The following GPATCH1 variants were observed in gnomAD, a reference collection of about 807,000 sequenced individuals.
GPATCH1 encodes the protein G-patch domain containing 1.
GPATCH1 carries 73 observed loss-of-function variants against 114.9 expected under a neutral mutation model. The observed-to-expected ratio is 0.64, with a 90% CI of 0.53 to 0.77. The LOEUF is 0.77. Among genes scored for constraint, GPATCH1 ranks in the 30% least tolerant of loss-of-function variants. The pLI, the probability that GPATCH1 is intolerant of heterozygous loss-of-function variation, is 0.00. For synonymous variants in GPATCH1, 391 were observed against 428.4 expected (o/e 0.91, Z 1.08); for missense variants, 1,058 against 1,144.3 (o/e 0.92, Z 1.09).
At chr19:33,093,609 G>A (rs1972622206) in intron 4 of GPATCH1, 90 bp downstream of exon 4, 3 of 1,214,578 alleles carry the variant, frequency 2.5e-6, no homozygotes, top group Non-Finnish European at 3.5e-6. Context: ...GATTGCAAGT[G>A]AGACAAGCCT....
chr19:33,129,100 A>C (rs1000386355), intron 19 of GPATCH1, among the ~76,000 whole-genome samples: 4 of 152,116 alleles, frequency 2.6e-5, no homozygotes, highest in Non-Finnish European at 4.4e-5. Flanking sequence ...TAAAAAAACT[A>C]GCCAGGCGTG....
chr19:33,130,435 C>A lies in GPATCH1; in HGVS notation c.*275C>A. 2.9e-6 allele frequency: 1 copy of A among 342,418 alleles called. No homozygotes were observed. The highest frequency in any genetic ancestry group is 5.2e-6 in the Non-Finnish European group (1 of 192,552). The allele number at this position is 342,418 out of a possible 1,614,324, so 21.2% of individuals were successfully genotyped here. On this transcript the variant is annotated 3_prime_UTR_variant, in exon 20 of 20. Transcript: ENST00000170564. ...TTCTTCTTGATTTTTAAAAAATTTCCTGGGACGTTAAAAAAGAAGTTAAAA... is the reference window on the plus strand; with the variant it reads ...TTCTTCTTGATTTTTAAAAAATTTCATGGGACGTTAAAAAAGAAGTTAAAA...
intron 9 of GPATCH1, among the ~76,000 whole-genome samples, chr19:33,104,223 C>CT (rs1203356535): frequency 6.7e-6 from 1 of 150,072 alleles, no homozygotes; most frequent in Non-Finnish European, 1.5e-5. Context: ...GCCTGTAGTC[C>CT]TAGCCTCTTG....
intron 13 of GPATCH1, 94 bp downstream of exon 13, chr19:33,112,707 C>G (rs1972871413): frequency 1.1e-6 from 1 of 925,534 alleles, no homozygotes; most frequent in African/African-American, 1.7e-5. Context: ...CTTATTTTTT[C>G]TACATGAACT....
intron 7 of GPATCH1, among the ~76,000 whole-genome samples, chr19:33,096,709 A>C (rs993167946): frequency 6.6e-6 from 1 of 151,638 alleles, no homozygotes; most frequent in Non-Finnish European, 1.5e-5. Flanking sequence ...GCTTACTGCA[A>C]CCTCTGTCTC....
chr19:33,088,938 T>A (rs1972564590), intron 2 of GPATCH1, among the ~76,000 whole-genome samples: 1 of 152,192 alleles, frequency 6.6e-6, no homozygotes, highest in Non-Finnish European at 1.5e-5. Flanking sequence ...ATTACAGGTG[T>A]GAGCCACTGC....
At chr19:33,124,480 T>G (rs1277473160) in intron 17 of GPATCH1, among the ~76,000 whole-genome samples, 1 of 152,146 alleles carries the variant, frequency 6.6e-6, no homozygotes, top group Admixed American at 6.5e-5. Flanking sequence ...CAGCCCATTA[T>G]GTTGTTTTGA....
intron 10 of GPATCH1, among the ~76,000 whole-genome samples, chr19:33,107,258 T>A (rs1366184468): frequency 1.3e-5 from 2 of 152,108 alleles, no homozygotes; most frequent in African/African-American, 2.4e-5. Context: ...GCACATTTTT[T>A]AAATAGAGAT....
intron 19 of GPATCH1, 103 bp downstream of exon 19, chr19:33,126,836 G>A: frequency 2.0e-6 from 2 of 1,012,880 alleles, no homozygotes; most frequent in East Asian, 2.4e-5. Context: ...AAACTGGTAG[G>A]CCGGGTGCAG....
rs375992337 is a variant in GPATCH1 at position 33,113,855 on chromosome 19, A to G, written c.1981A>G (p.Thr661Ala). 1.4e-5 allele frequency: 23 copies of G among 1,613,940 alleles called. No homozygotes were observed. The highest frequency in any genetic ancestry group is 6.7e-5 in the Admixed American group (4 of 60,000). Residue 661 changes from threonine to alanine, a missense_variant, in exon 14 of 20, where the codon ACC becomes GCC. By Grantham distance (58) the Thr-to-Ala change is moderately conservative (BLOSUM62 0). Coordinates refer to ENST00000170564, the MANE Select transcript of GPATCH1 (RefSeq NM_018025.3). ...LTLPETASLPTTQASSEKVSQ... is the reference protein window; with the variant it reads ...LTLPETASLPATQASSEKVSQ... Reference sequence around the variant, plus strand: ...GCTCCCAGAGACAGCTTCCTTGCCCACCACTCAAGCATCAAGTGAAAAAGT... The same window carrying G: ...GCTCCCAGAGACAGCTTCCTTGCCCGCCACTCAAGCATCAAGTGAAAAAGT...
At chr19:33,129,949 G>GGAA (rs1555722346) in intron 19 of GPATCH1, among the ~76,000 whole-genome samples, 181 bp from the exon 20 acceptor site, 5 of 139,832 alleles carry the variant, frequency 3.6e-5, no homozygotes, top group East Asian at 2.1e-4. Context: ...CATCTCGGGG[G>GGAA]AAAAAAAAAA....
intron 2 of GPATCH1, among the ~76,000 whole-genome samples, chr19:33,090,142 C>A (rs1972578118): frequency 6.6e-6 from 1 of 152,174 alleles, no homozygotes; most frequent in African/African-American, 2.4e-5. Flanking sequence ...AGAGCATTCC[C>A]TGTTTGTGGA....
At chr19:33,103,833 C>T (rs1174765968) in intron 9 of GPATCH1, among the ~76,000 whole-genome samples, 1 of 152,142 alleles carries the variant, frequency 6.6e-6, no homozygotes, top group Non-Finnish European at 1.5e-5. Flanking sequence ...TACACAAATA[C>T]AGAGTCGTGG....
chr19:33,117,961 A>C lies in GPATCH1; in HGVS notation c.2333A>C (p.Asp778Ala). ...GAGGATGAGCAAGGTGACAGTGAAG[A>C]TGATCAGGCAGGCTCTGGGGAGGCC... ...SSEDEQGDSE[D>A]DQAGSGEANF... The change falls in exon 16 of 20, where the codon GAT (aspartate) becomes GCT (alanine). Residue 778 changes from aspartate to alanine, a missense_variant. Around this residue, in one of 3 missense-constraint regions of GPATCH1, gnomAD observed 893 missense variants for 977.4 expected, o/e 0.91. Coordinates refer to ENST00000170564, the MANE Select transcript of GPATCH1 (RefSeq NM_018025.3). The C allele has an allele frequency of 6.2e-7, 1 of 1,613,934 alleles. No homozygotes were observed. Among genetic ancestry groups the C allele is most frequent in the Non-Finnish European group, 8.5e-7 (1 of 1,179,994 alleles).
At chr19:33,116,274 C>T (rs940987779) in intron 15 of GPATCH1, among the ~76,000 whole-genome samples, 1 of 152,120 alleles carries the variant, frequency 6.6e-6, no homozygotes, top group Admixed American at 6.5e-5. Context: ...TTAAAAGAAC[C>T]GATGCAGAGA....
Position 33,088,274 on chromosome 19 carries a change from AT to A in GPATCH1, c.208+10del, listed in dbSNP as rs1202571181. The A allele has an allele frequency of 6.3e-6, 10 of 1,587,330 alleles. No homozygotes were observed. Among genetic ancestry groups the A allele is most frequent in the Admixed American group, 3.6e-5 (2 of 55,506 alleles). On this transcript the variant is annotated splice_region_variant and intron_variant, in intron 2 of 19. Coordinates refer to ENST00000170564, the MANE Select transcript of GPATCH1 (RefSeq NM_018025.3). ...TACTGTTGGCTCAAAAGAAGGTATC[AT>A]TTTCCTAATTGTAGCTATTATACCA...
intron 17 of GPATCH1, among the ~76,000 whole-genome samples, chr19:33,119,693 G>A (rs1972955140): frequency 8.3e-6 from 1 of 120,530 alleles, no homozygotes; most frequent in African/African-American, 3.8e-5. Context: ...GTGAGACTCT[G>A]CCTCAAAAAA....
At chr19:33,107,855 T>A (rs1414407725) in intron 10 of GPATCH1, among the ~76,000 whole-genome samples, 1 of 150,214 alleles carries the variant, frequency 6.7e-6, no homozygotes, top group Admixed American at 6.6e-5. Flanking sequence ...TTAATTTTTA[T>A]TTTTTTTTAT....
At chr19:33,120,533 A>G (rs1972970851) in intron 17 of GPATCH1, among the ~76,000 whole-genome samples, 2 of 138,468 alleles carry the variant, frequency 1.4e-5, no homozygotes, top group Admixed American at 1.5e-4. Flanking sequence ...TGGGTGACAG[A>G]GCAAGACTCT....
Sources: allele counts gnomAD v4.1 joint callset (sites outside exome capture counted in the v4.1 genomes callset), GRCh38; gene constraint gnomAD v4.1.1; regional missense constraint gnomAD v4.1.1; transcripts MANE v1.5; gene names NCBI Gene and HGNC (gene_info 2026-07-23, HGNC 2026-07-21).